Variants in ARAP2 observed in about 807,000 individuals in gnomAD.
ARAP2 encodes the protein arf-GAP with Rho-GAP domain, ANK repeat and PH domain-containing protein 2.
ARAP2 carries 148 observed loss-of-function variants against 194.5 expected under a neutral mutation model. The observed-to-expected ratio is 0.76, with a 90% CI of 0.67 to 0.87. The LOEUF (loss-of-function observed/expected upper bound fraction) is 0.87. Ranked by LOEUF, ARAP2 falls within the 40% of genes least tolerant of loss-of-function variation. ARAP2 has a pLI of 0.00. For missense variants in ARAP2, 2,128 were observed against 1,989.7 expected, an observed-to-expected ratio of 1.07 and a Z score of -1.32; for synonymous variants, 695 against 683.5, an observed-to-expected ratio of 1.02 and a Z score of -0.26.
At position 36,133,401 on chromosome 4, in the gene ARAP2, A is replaced by T. The variant is rs779353971; in HGVS notation, c.3264-12T>A. The T allele has an allele frequency of 6.3e-7, 1 of 1,595,788 alleles. No individual in the cohort carries two copies. Among genetic ancestry groups the T allele is most frequent in the Non-Finnish European group, 8.5e-7 (1 of 1,171,704 alleles). ...GGATGTATAATGTTCTGTAAAGTTTAAAAAGCATTTCAAATTATAATTTTG... is the reference window on the plus strand; with the variant it reads ...GGATGTATAATGTTCTGTAAAGTTTTAAAAGCATTTCAAATTATAATTTTG... On this transcript the variant is annotated splice_polypyrimidine_tract_variant and intron_variant, in intron 19 of 32. Transcript: ENST00000303965.
intron 5 of ARAP2, among the ~76,000 whole-genome samples, chr4:36,045,119 G>A (rs1035453197): frequency 1.3e-5 from 2 of 152,102 alleles, no homozygotes; most frequent in Non-Finnish European, 2.9e-5. Context: ...AGACATTGTG[G>A]AAAACAGTAT....
intron 28 of ARAP2, among the ~76,000 whole-genome samples, chr4:36,090,826 A>C (rs1713419426): frequency 6.6e-6 from 1 of 152,128 alleles, no homozygotes; most frequent in South Asian, 2.1e-4. Flanking sequence ...AAGTGATGAA[A>C]TAATGTGTAA....
At chr4:36,194,033 G>T (rs904867625) in intron 6 of ARAP2, among the ~76,000 whole-genome samples, 2 of 151,970 alleles carry the variant, frequency 1.3e-5, no homozygotes, top group African/African-American at 4.8e-5. Flanking sequence ...ATTTTCCCTT[G>T]ATTTTTGTTT....
chr4:36,014,300 G>GAA (rs1560264638), intron 8 of ARAP2, among the ~76,000 whole-genome samples: 789 of 74,078 alleles, frequency 0.011, 4 homozygotes, highest in Middle Eastern at 0.02. Flanking sequence ...AAAGAAAGAA[G>GAA]AGAAGGAAGG....
chr4:36,208,719 C>T (rs1305568555), intron 6 of ARAP2, among the ~76,000 whole-genome samples: 3 of 152,030 alleles, frequency 2.0e-5, no homozygotes, highest in Non-Finnish European at 4.4e-5. Flanking sequence ...ACACATATTT[C>T]TTTCAAGTCA....
intron 22 of ARAP2, 86 bp downstream of exon 22, chr4:36,124,776 G>A (rs1355221634): frequency 3.7e-6 from 3 of 811,268 alleles, no homozygotes; most frequent in Middle Eastern, 2.4e-4. Flanking sequence ...CTTATGATAC[G>A]TAGAAAGATT....
At chr4:36,038,418 C>A (rs1720299680) in intron 5 of ARAP2, among the ~76,000 whole-genome samples, 2 of 152,144 alleles carry the variant, frequency 1.3e-5, no homozygotes, top group African/African-American at 4.8e-5. Flanking sequence ...ATATTTTCCT[C>A]AGTGTAAAAT....
rs189352348 is a variant in ARAP2, at chr4:36,209,219, C to T, written c.1487+1171G>A. Among the ~76,000 whole-genome samples, 676 of 152,240 alleles carry T rather than the reference C, an allele frequency of 4.4e-3. 6 individuals carry two copies. Among genetic ancestry groups the T allele is most frequent in the African/African-American group, 0.016 (646 of 41,540 alleles). ...TGAAAGATTCAAGAATATTCAAGTT[C>T]ACTGATTCATTCCACTAGTGTTTAG... On this transcript the variant is annotated intron_variant, in intron 6 of 32. Coordinates refer to ENST00000303965, the MANE Select transcript of ARAP2 (RefSeq NM_015230.4).
At chr4:36,084,527 A>C (rs943479156) in intron 28 of ARAP2, among the ~76,000 whole-genome samples, 5 of 152,146 alleles carry the variant, frequency 3.3e-5, no homozygotes, top group African/African-American at 9.7e-5. Flanking sequence ...ACACATATTG[A>C]GGTATCTCAA....
At chr4:36,234,635 T>C (rs1752121174) in intron 1 of ARAP2, among the ~76,000 whole-genome samples, 1 of 152,190 alleles carries the variant, frequency 6.6e-6, no homozygotes, top group Admixed American at 6.5e-5. Flanking sequence ...TATTTAACTT[T>C]TCTGTGCTTT....
chr4:36,084,339 C>T (rs1335099053), intron 28 of ARAP2, among the ~76,000 whole-genome samples: 1 of 151,892 alleles, frequency 6.6e-6, no homozygotes, highest in Non-Finnish European at 1.5e-5. Context: ...TTTGTAACTC[C>T]CCATCACCAA....
chr4:36,061,076 T>C (rs776081644), downstream of ARAP2, among the ~76,000 whole-genome samples: 1 of 152,062 alleles, frequency 6.6e-6, no homozygotes, highest in South Asian at 2.1e-4. Context: ...TAAAAAAAAA[T>C]TTAATTTTTA....
chr4:36,215,318 G>A (rs532947982), intron 2 of ARAP2, among the ~76,000 whole-genome samples: 4 of 152,296 alleles, frequency 2.6e-5, no homozygotes, highest in African/African-American at 9.6e-5. Context: ...TAAGAAAAAA[G>A]TTCCGAAGAA....
At chr4:36,137,499 TTAA>T (rs1432957045) in intron 19 of ARAP2, among the ~76,000 whole-genome samples, 1 of 151,864 alleles carries the variant, frequency 6.6e-6, no homozygotes, top group African/African-American at 2.4e-5. Context: ...GTCTGTGTTT[TTAA>T]AAATGTAATT....
At chr4:36,064,234 C>G (rs563201023), downstream of ARAP2, among the ~76,000 whole-genome samples, 13 of 144,014 alleles carry the variant, frequency 9.0e-5, no homozygotes, top group African/African-American at 3.3e-4. Context: ...TGTGACTAAG[C>G]CTTCATTATG....
chr4:36,041,939 G>A (rs756097832), intron 5 of ARAP2, among the ~76,000 whole-genome samples: 9 of 152,092 alleles, frequency 5.9e-5, no homozygotes, highest in East Asian at 1.9e-4. Context: ...ACCAAAGACC[G>A]CATGTTCTCA....
downstream of ARAP2, among the ~76,000 whole-genome samples, chr4:36,064,204 TTC>T (rs2046881190): frequency 4.4e-5 from 2 of 44,998 alleles, no homozygotes; most frequent in Admixed American, 5.1e-4. Flanking sequence ...GTTTTTTTCT[TTC>T]TTTTTTTTTT....
At chr4:36,086,465 T>C (rs1389704607) in intron 28 of ARAP2, among the ~76,000 whole-genome samples, 1 of 152,116 alleles carries the variant, frequency 6.6e-6, no homozygotes, top group Non-Finnish European at 1.5e-5. Context: ...AAACACATTC[T>C]TTTCCATTTC....
chr4:36,163,233 G>C (rs1354581375), intron 11 of ARAP2, among the ~76,000 whole-genome samples: 1 of 151,776 alleles, frequency 6.6e-6, no homozygotes, highest in African/African-American at 2.4e-5. Context: ...CACAAGCATG[G>C]AAATACATGG....
Sources: allele counts gnomAD v4.1 joint callset (sites outside exome capture counted in the v4.1 genomes callset), GRCh38; gene constraint gnomAD v4.1.1; transcripts MANE v1.5; gene names NCBI Gene and HGNC (gene_info 2026-07-23, HGNC 2026-07-21).